MACF1: variants seen among roughly 807,000 people sequenced by gnomAD.
The protein encoded by MACF1 is microtubule-actin cross-linking factor 1.
MACF1 carries 193 observed loss-of-function variants against 854.8 expected under a neutral mutation model. That is an observed-to-expected ratio of 0.23 (90% CI 0.20 to 0.25). MACF1 has a LOEUF of 0.25. MACF1 is among the 10% of genes least tolerant of loss of function. The probability of loss-of-function intolerance (pLI) is 1.00; values close to 1 mark genes in which losing one functional copy is unlikely to be tolerated. For synonymous variants in MACF1, 3,185 were observed against 3,226.7 expected, an observed-to-expected ratio of 0.99 and a Z score of 0.44; for missense variants, 7,722 against 8,929.1, an observed-to-expected ratio of 0.86 and a Z score of 5.45.
chr1:39,338,217 C>T (rs190246453), intron 38 of MACF1, among the ~76,000 whole-genome samples: 1 of 151,238 alleles, frequency 6.6e-6, no homozygotes, highest in East Asian at 1.9e-4. Flanking sequence ...TCTCTTACTT[C>T]CTAAAACTAT....
chr1:39,378,304 T>C (rs1245038010), intron 52 of MACF1, among the ~76,000 whole-genome samples, 157 bp from the exon 53 acceptor site: 1 of 152,232 alleles, frequency 6.6e-6, no homozygotes, highest in East Asian at 1.9e-4. Flanking sequence ...GCCTGGCAGC[T>C]AAAATAATTT....
rs1641610874 is a variant in MACF1, at chr1:39,084,330, C to A, written c.112C>A (p.Pro38Thr). 9.3e-6 allele frequency: 15 copies of A among 1,613,938 alleles called. No homozygotes were observed. Among genetic ancestry groups the A allele is most frequent in the South Asian group, 2.2e-5 (2 of 91,076 alleles). ...GCGGTCGGGGAGCCTGTCTCCCTGT[C>A]CCCCAGGGGACACCTTGCCCTGGAA... The change falls in exon 2 of 94, where the codon CCC becomes ACC. Residue 38 changes from proline to threonine, a missense_variant. Physicochemically the swap from Pro to Thr is conservative, Grantham distance 38. Transcript: ENST00000361689. The surrounding 1 kb of genome is among the most constrained non-coding windows in gnomAD (Gnocchi z 5.2).
chr1:39,102,238 A>T (rs951702830), intron 2 of MACF1, among the ~76,000 whole-genome samples: 1 of 152,282 alleles, frequency 6.6e-6, no homozygotes, highest in East Asian at 1.9e-4. Context: ...AAAAGAAAAG[A>T]AAGACGAAAT....
chr1:39,388,760 T>C, intron 58 of MACF1, 102 bp downstream of exon 58: 1 of 1,078,502 alleles, frequency 9.3e-7, no homozygotes, highest in Non-Finnish European at 1.3e-6. Context: ...CCTAGTTTTA[T>C]TATTGTCACT....
intron 52 of MACF1, chr1:39,372,957 A>T (rs1649371072): frequency 4.3e-6 from 1 of 231,938 alleles, no homozygotes; most frequent in Non-Finnish European, 8.3e-6. Context: ...CCAGCCACGA[A>T]GTCAGAAGAT....
chr1:39,386,427 AT>A lies in MACF1; in HGVS notation c.14344+507del, dbSNP rs541010845. The stretch of plus-strand genomic sequence containing the variant: ...AGACACACGCCACCATGCCCAGCTG[AT>A]TTTTTTTTCTTTTTTTTTTTTGAGA... On this transcript the variant is annotated intron_variant, in intron 57 of 100. Coordinates refer to ENST00000564288, the MANE Select transcript of MACF1 (RefSeq NM_001394062.1). Among the ~76,000 whole-genome samples the A allele has an allele frequency of 4.9e-3, 636 of 130,492 alleles. 3 individuals carry two copies. The highest frequency in any genetic ancestry group is 0.02 in the African/African-American group (617 of 31,206). The allele number at this position is 130,492 out of a possible 152,430, so 85.6% of individuals were successfully genotyped here.
At chr1:39,275,272 C>T (rs143620123) in intron 6 of MACF1, among the ~76,000 whole-genome samples, 3,856 of 152,030 alleles carry the variant, frequency 0.025, 152 homozygotes, top group African/African-American at 0.088. Flanking sequence ...TTAGTAGAGA[C>T]GGGGTTTCAC....
At chr1:39,085,822 C>G (rs1367697942) in intron 2 of MACF1, among the ~76,000 whole-genome samples, 2 of 152,190 alleles carry the variant, frequency 1.3e-5, no homozygotes, top group African/African-American at 4.8e-5. Context: ...CACCTCTACC[C>G]CCAATCACCC....
chr1:39,351,216 G>A lies in MACF1; in HGVS notation c.11199+198G>A, dbSNP rs150318017. Among the ~76,000 whole-genome samples the A allele has an allele frequency of 1.2e-3, 183 of 152,162 alleles. 1 individual carries two copies. The highest frequency in any genetic ancestry group is 4.3e-3 in the African/African-American group (180 of 41,492). ...GGCTGGAGTGCAGTGGCATGATCTC[G>A]GCTTACTGCAACCTCTGCCTGCCAG... On this transcript the variant is annotated intron_variant, in intron 43 of 100. Transcript: ENST00000564288.
chr1:39,314,567 TCTCACACACACA>T (rs1333002143), intron 26 of MACF1, among the ~76,000 whole-genome samples: 32 of 115,210 alleles, frequency 2.8e-4, no homozygotes, highest in Non-Finnish European at 3.1e-4. Flanking sequence ...TCTCTCTCTC[TCTCACACACACA>T]CACACACACA....
At chr1:39,108,478 G>A (rs1046997465) in intron 2 of MACF1, among the ~76,000 whole-genome samples, 1 of 149,310 alleles carries the variant, frequency 6.7e-6, no homozygotes, top group Non-Finnish European at 1.5e-5. Flanking sequence ...TTACCTGGGA[G>A]ATTTGACAAA....
rs769202456 is a variant in MACF1 at position 39,448,762 on chromosome 1, C to T, written c.20257C>T (p.Arg6753Trp). Reference sequence around the variant, plus strand: ...TACTGTTTGTGGCAAGTCTGTGGAGCGGTGAGCATGAATGTCCCCTTCAGG... The same window carrying T: ...TACTGTTTGTGGCAAGTCTGTGGAGTGGTGAGCATGAATGTCCCCTTCAGG... ...WDTVCGKSVE[R>W]QHKLEEALLF... The change falls in exon 84 of 101, where the codon CGG (arginine) becomes TGG (tryptophan). Residue 6753 changes from arginine to tryptophan, a missense_variant and splice_region_variant. By Grantham distance (101) the Arg-to-Trp change is moderately radical (BLOSUM62 -3). This residue lies in a region of MACF1 where 729 missense variants were observed against 900.5 expected (regional missense o/e 0.81). Transcript: ENST00000564288. The T allele has an allele frequency of 3.6e-5, 58 of 1,608,048 alleles. No homozygotes were observed. Among genetic ancestry groups the T allele is most frequent in the East Asian group, 6.7e-5 (3 of 44,824 alleles).
Position 39,231,300 on chromosome 1 carries a change from C to T in MACF1, c.171+57C>T. ...CACCTCTCACTGCTCTCATCTGGAT[C>T]TGTCATTCCTTCTTTCAGATGGTTT... is the stretch of plus-strand genomic sequence containing the variant. On this transcript the variant is annotated intron_variant, in intron 2 of 100. Coordinates refer to ENST00000564288, the MANE Select transcript of MACF1 (RefSeq NM_001394062.1). 2.7e-6 allele frequency: 4 copies of T among 1,463,644 alleles called. No individual in the cohort carries two copies. In the Middle Eastern group the frequency reaches 6.9e-4, roughly 253 times the overall value. The allele number at this position is 1,463,644 out of a possible 1,614,324, so 90.7% of individuals were successfully genotyped here. A position where few individuals can be genotyped will look rare whatever the true frequency, so the allele number is the denominator to read the frequency against.
intron 58 of MACF1, chr1:39,412,282 T>C (rs758499824): frequency 8.1e-6 from 13 of 1,613,860 alleles, no homozygotes; most frequent in African/African-American, 5.3e-5. Context: ...AGAGGTGTTA[T>C]ATGAATCAAA....
chr1:39,149,394 G>A (rs1410943443), intron 2 of MACF1, among the ~76,000 whole-genome samples: 5 of 152,006 alleles, frequency 3.3e-5, no homozygotes, highest in African/African-American at 7.2e-5. Flanking sequence ...ATGGCAGTGC[G>A]TGCCTGTAAT....
At chr1:39,208,144 A>G (rs561399716) in intron 1 of MACF1, among the ~76,000 whole-genome samples, 15 of 143,928 alleles carry the variant, frequency 1.0e-4, no homozygotes, top group South Asian at 2.3e-4. Context: ...AAAAAAAAAA[A>G]AAAGAAAAGA....
At position 39,335,953 on chromosome 1, in the gene MACF1, A is replaced by C; in HGVS notation, c.9365A>C (p.Gln3122Pro). The change falls in exon 37 of 101, where the codon CAA becomes CCA. Residue 3122 changes from glutamine to proline, a missense_variant. By Grantham distance (76) the Gln-to-Pro change is moderately conservative. This residue lies in a region of MACF1 where 854 missense variants were observed against 852.6 expected (regional missense o/e 1.00). Coordinates refer to ENST00000564288, the MANE Select transcript of MACF1 (RefSeq NM_001394062.1). Reference sequence around the variant, plus strand: ...TACCAGGAATCAGATGGAAAAGCCCAAGTGACAGGCCCATCCCAAATTTCC... The same window carrying C: ...TACCAGGAATCAGATGGAAAAGCCCCAGTGACAGGCCCATCCCAAATTTCC... ...LHYQESDGKA[Q>P]VTGPSQISKT... 1 of 1,614,176 alleles carries C rather than the reference A, an allele frequency of 6.2e-7. No homozygotes were observed. Among genetic ancestry groups the C allele is most frequent in the Admixed American group, 1.7e-5 (1 of 60,024 alleles).
intron 63 of MACF1, 40 bp from the exon 64 acceptor site, chr1:39,429,202 G>T: frequency 9.7e-7 from 1 of 1,032,400 alleles, no homozygotes; most frequent in Admixed American, 1.9e-5. Context: ...TTCATTTGTA[G>T]TGCCACAGTT....
chr1:39,406,504 T>C (rs1365324490), intron 58 of MACF1, among the ~76,000 whole-genome samples: 1 of 151,644 alleles, frequency 6.6e-6, no homozygotes, highest in African/African-American at 2.4e-5. Flanking sequence ...TTTGGGAGGC[T>C]GAGGTGAGTG....
Sources: allele counts gnomAD v4.1 joint callset (sites outside exome capture counted in the v4.1 genomes callset), GRCh38; gene constraint gnomAD v4.1.1; regional missense constraint gnomAD v4.1.1; non-coding constraint Gnocchi (gnomAD v3.1); transcripts MANE v1.5; gene names NCBI Gene and HGNC (gene_info 2026-07-23, HGNC 2026-07-21).